The following ASB11 variants were observed in gnomAD, a reference collection of about 807,000 sequenced individuals.
The protein encoded by ASB11 is ankyrin repeat and SOCS box protein 11.
Under a neutral mutation model 20.1 loss-of-function variants are expected in ASB11, and 17 were observed. That is an observed-to-expected ratio of 0.85 (90% CI 0.58 to 1.27). ASB11 has a LOEUF of 1.27. Among genes scored for constraint, ASB11 ranks in the 50% most tolerant of loss-of-function variants. The pLI is 0.00. For missense variants in ASB11, 259 were observed against 256.9 expected, an observed-to-expected ratio of 1.01 and a Z score of -0.06; for synonymous variants, 107 against 105.6, an observed-to-expected ratio of 1.01 and a Z score of -0.08.
intron 3 of ASB11, among the ~76,000 whole-genome samples, chrX:15,296,343 T>A (rs1920965033): frequency 8.9e-6 from 1 of 111,798 alleles, no homozygotes; most frequent in African/African-American, 3.2e-5. Flanking sequence ...GGAAGACTTT[T>A]ATATTCAGTT....
intron 1 of ASB11, among the ~76,000 whole-genome samples, chrX:15,305,554 C>T (rs973523045): frequency 3.7e-5 from 4 of 108,159 alleles, no homozygotes; most frequent in South Asian, 4.0e-4. Context: ...ACTTTTCTGT[C>T]GGCTGAAATT....
intron 1 of ASB11, among the ~76,000 whole-genome samples, chrX:15,309,173 TC>T (rs1302870559): frequency 2.7e-5 from 3 of 110,931 alleles, no homozygotes; most frequent in Non-Finnish European, 5.7e-5. Flanking sequence ...TGCCTCGGCC[TC>T]CCAAAATGCT....
chrX:15,286,087 C>T (rs1221693319), intron 6 of ASB11, among the ~76,000 whole-genome samples: 1 of 111,145 alleles, frequency 9.0e-6, no homozygotes, highest in African/African-American at 3.3e-5. Context: ...GCACCATCAA[C>T]ATCACGTGGG....
intron 1 of ASB11, 126 bp from the exon 2 acceptor site, chrX:15,302,933 C>T (rs1363506008): frequency 1.3e-5 from 7 of 553,975 alleles, no homozygotes; most frequent in South Asian, 3.0e-5. Flanking sequence ...GCAGGTATCA[C>T]GCATCAGGCT....
chrX:15,313,907 C>T (rs1012253500), intron 1 of ASB11, among the ~76,000 whole-genome samples: 1 of 110,227 alleles, frequency 9.1e-6, no homozygotes, highest in Non-Finnish European at 1.9e-5. Context: ...AAAAAATTAG[C>T]TGGGCATGGT....
intron 1 of ASB11, among the ~76,000 whole-genome samples, chrX:15,311,850 TG>T (rs1415569608): frequency 3.6e-5 from 4 of 111,245 alleles, no homozygotes; most frequent in African/African-American, 1.3e-4. Flanking sequence ...AATACCTATA[TG>T]TTCACTATAG....
intron 1 of ASB11, among the ~76,000 whole-genome samples, chrX:15,312,011 T>A (rs1391565653): frequency 1.8e-5 from 2 of 110,888 alleles, no homozygotes; most frequent in Non-Finnish European, 3.8e-5. Context: ...GAATAACAGA[T>A]GATCAATCTG....
chrX:15,287,808 A>G, intron 6 of ASB11, 73 bp downstream of exon 6: 2 of 1,089,689 alleles, frequency 1.8e-6, no homozygotes, highest in South Asian at 4.7e-5. Context: ...AAAAGGAAAA[A>G]ATGCTACAGA....
intron 1 of ASB11, among the ~76,000 whole-genome samples, chrX:15,313,523 T>C (rs1396914743): frequency 9.0e-6 from 1 of 111,083 alleles, no homozygotes; most frequent in African/African-American, 3.3e-5. Context: ...GAAATAAAAC[T>C]GGGAAATTAA....
intron 3 of ASB11, among the ~76,000 whole-genome samples, chrX:15,295,423 A>C (rs1392908503): frequency 4.5e-5 from 5 of 112,312 alleles, no homozygotes; most frequent in Non-Finnish European, 7.5e-5. Flanking sequence ...CTTGGGAAAA[A>C]CTTAGAAAGT....
chrX:15,287,158 G>T (rs1381338898), intron 6 of ASB11, among the ~76,000 whole-genome samples: 1 of 111,252 alleles, frequency 9.0e-6, no homozygotes, highest in Non-Finnish European at 1.9e-5. Context: ...CATTTAGTCG[G>T]ATTTCTGAAA....
chrX:15,298,072 A>G (rs1343167519), intron 2 of ASB11, among the ~76,000 whole-genome samples: 1 of 111,923 alleles, frequency 8.9e-6, no homozygotes, highest in Non-Finnish European at 1.9e-5. Flanking sequence ...AACTTATGAC[A>G]TGGGTCTCTC....
chrX:15,298,188 G>GA (rs1478100667), intron 2 of ASB11, among the ~76,000 whole-genome samples: 1 of 112,113 alleles, frequency 8.9e-6, no homozygotes, highest in East Asian at 2.8e-4. Context: ...GGATATCCTT[G>GA]AATCTGGCTT....
At chrX:15,290,467 G>A in intron 4 of ASB11, among the ~76,000 whole-genome samples, 1 of 112,250 alleles carries the variant, frequency 8.9e-6, no homozygotes, top group Non-Finnish European at 1.9e-5. Flanking sequence ...AAAGAATAAA[G>A]AAGTCTTAAG....
rs756483853 is a variant in ASB11, at chrX:15,287,029, G to A, written c.847+852C>T. On this transcript the variant is annotated intron_variant, in intron 6 of 6. Transcript: ENST00000480796. ...GTTCTCTTCTGAATTTCAGATGCTC[G>A]CCTTACCTCTTCTGGCATCAGTAGT... Among the ~76,000 whole-genome samples the A allele has an allele frequency of 7.1e-5, 8 of 111,992 alleles. No individual in the cohort carries two copies. In the East Asian group the frequency reaches 2.2e-3, roughly 31 times the overall value.
In ASB11 at chrX:15,293,202, A is replaced by C; in HGVS notation, c.488T>G (p.Leu163Arg). 8.3e-7 allele frequency: 1 copy of C among 1,211,638 alleles called. No homozygotes were observed. The highest frequency in any genetic ancestry group is 2.2e-5 in the Admixed American group (1 of 45,995). Reference sequence around the variant, plus strand: ...CACTGCCTCATGGATGGGCGAGGCCAGGTGCACCTCCAACTGGGCCTTGGC... The same window carrying C: ...CACTGCCTCATGGATGGGCGAGGCCCGGTGCACCTCCAACTGGGCCTTGGC... Reference protein sequence around the residue: ...FGAKAQLEVHLASPIHEAVKR... With the variant: ...FGAKAQLEVHRASPIHEAVKR... Residue 163 changes from leucine (L) to arginine (R), a missense_variant, in exon 4 of 7, where the codon CTG becomes CGG. Leu to Arg is a moderately radical substitution (Grantham distance 102). Transcript: ENST00000480796.
chrX:15,310,094 G>A (rs1410882522), intron 1 of ASB11, among the ~76,000 whole-genome samples: 1 of 109,823 alleles, frequency 9.1e-6, no homozygotes, highest in Non-Finnish European at 1.9e-5. Context: ...GGACCTTCAA[G>A]GGTTTTCACA....
intron 6 of ASB11, among the ~76,000 whole-genome samples, chrX:15,285,904 C>G (rs1340345762): frequency 1.8e-5 from 2 of 110,946 alleles, no homozygotes; most frequent in African/African-American, 6.6e-5. Context: ...ACTCAGGAGG[C>G]TGAAGCAGGA....
At chrX:15,296,631 C>T (rs1300395919) in intron 3 of ASB11, among the ~76,000 whole-genome samples, 1 of 111,820 alleles carries the variant, frequency 8.9e-6, no homozygotes, top group African/African-American at 3.3e-5. Flanking sequence ...AGGTTTCCCC[C>T]AATGTATTAT....
Sources: gnomAD v4.1 joint callset for allele counts (sites outside exome capture counted in the v4.1 genomes callset) on GRCh38, gnomAD v4.1.1 for gene constraint, MANE v1.5 for transcripts, NCBI Gene and HGNC (gene_info 2026-07-23, HGNC 2026-07-21) for gene names.